ZBTB38: variants seen among roughly 807,000 people sequenced by gnomAD.
ZBTB38 encodes zinc finger and BTB domain-containing protein 38.
ZBTB38 carries 20 observed loss-of-function variants against 76.8 expected under a neutral mutation model. That is an observed-to-expected ratio of 0.26 (90% CI 0.18 to 0.38). ZBTB38 has a LOEUF of 0.38. ZBTB38 is among the 10% of genes least tolerant of loss of function. The probability of loss-of-function intolerance (pLI) is 1.00; values close to 1 mark genes in which losing one functional copy is unlikely to be tolerated. For synonymous variants in ZBTB38, 504 were observed against 544.2 expected (o/e 0.93, Z 1.03); for missense variants, 1,082 against 1,482.3 (o/e 0.73, Z 4.43).
rs766269290 is a variant in ZBTB38, at chr3:141,443,364, T to C, written c.976T>C (p.Ser326Pro). ...VHFSREDENQ[S>P]SDVPGPPAAE... ...TTTTTCCAGGGAAGATGAAAATCAA[T>C]CTTCTGATGTTCCCGGGCCGCCAGC... Residue 326 changes from serine to proline, a missense_variant, in exon 6 of 6, where the codon TCT becomes CCT. Physicochemically the swap from Ser to Pro is moderately conservative, Grantham distance 74 (BLOSUM62 -1). Coordinates refer to ENST00000321464, the MANE Select transcript of ZBTB38 (RefSeq NM_001376113.1). The surrounding 1 kb of genome is among the most constrained non-coding windows in gnomAD (Gnocchi z 5.6). 40 of 1,614,038 alleles carry C rather than the reference T, an allele frequency of 2.5e-5. No individual in the cohort carries two copies. Among genetic ancestry groups the C allele is most frequent in the Non-Finnish European group, 3.3e-5 (39 of 1,180,040 alleles).
chr3:141,330,308 G>A (rs1415172997), intron 1 of ZBTB38, among the ~76,000 whole-genome samples: 4 of 152,200 alleles, frequency 2.6e-5, no homozygotes, highest in Non-Finnish European at 4.4e-5. Context: ...ACCATGGAAC[G>A]TCCTCTGCCT....
intron 4 of ZBTB38, among the ~76,000 whole-genome samples, chr3:141,403,521 A>G (rs995466724): frequency 6.6e-6 from 1 of 152,252 alleles, no homozygotes; most frequent in African/African-American, 2.4e-5. Flanking sequence ...TAGTAAGGGT[A>G]AGCATTGTTT....
chr3:141,340,876 G>A (rs1481559698), intron 1 of ZBTB38, among the ~76,000 whole-genome samples: 3 of 147,660 alleles, frequency 2.0e-5, no homozygotes, highest in Non-Finnish European at 3.0e-5. Context: ...CAGCCTGGGC[G>A]ACAGAGCAAG....
chr3:141,344,514 A>T (rs1338430347), intron 1 of ZBTB38, among the ~76,000 whole-genome samples: 1 of 152,194 alleles, frequency 6.6e-6, no homozygotes, highest in East Asian at 1.9e-4. Context: ...GACCACAGGC[A>T]CATGCCACCA....
At chr3:141,371,045 C>T (rs201317279) in intron 2 of ZBTB38, among the ~76,000 whole-genome samples, 111 of 71,930 alleles carry the variant, frequency 1.5e-3, no homozygotes, top group African/African-American at 4.8e-3. Context: ...TTCTTTCTTT[C>T]TTTTTTTTTT....
intron 5 of ZBTB38, among the ~76,000 whole-genome samples, chr3:141,422,111 ACT>A (rs2075514841): frequency 6.6e-6 from 1 of 152,118 alleles, no homozygotes; most frequent in South Asian, 2.1e-4. Context: ...CACTTTTATG[ACT>A]CTAGCCTCCT....
intron 1 of ZBTB38, among the ~76,000 whole-genome samples, chr3:141,342,719 C>T (rs1943234325): frequency 6.8e-6 from 1 of 146,990 alleles, no homozygotes; most frequent in Admixed American, 6.8e-5. Context: ...AATAAGGTCC[C>T]ATGATCTTTT....
chr3:141,370,144 T>C (rs1944326508), intron 2 of ZBTB38, among the ~76,000 whole-genome samples, 198 bp downstream of exon 2: 1 of 152,208 alleles, frequency 6.6e-6, no homozygotes, highest in Non-Finnish European at 1.5e-5. Flanking sequence ...TCAAACACAA[T>C]AGTTTATTTC....
intron 2 of ZBTB38, among the ~76,000 whole-genome samples, chr3:141,371,485 A>G (rs545480052): frequency 6.6e-6 from 1 of 152,168 alleles, no homozygotes; most frequent in East Asian, 1.9e-4. Flanking sequence ...GACTACAGGC[A>G]TGTGTCACCA....
At position 141,448,368 on chromosome 3, in the gene ZBTB38, A is replaced by G. The variant is rs186925768; in HGVS notation, c.*2392A>G. The G allele has an allele frequency of 6.5e-6, 1 of 152,786 alleles. No homozygotes were observed. The highest frequency in any genetic ancestry group is 1.9e-4 in the East Asian group (1 of 5,194). The allele number at this position is 152,786 out of a possible 1,614,324, so 9.5% of individuals were successfully genotyped here. ...GGGAGGGGTGTATATTTTGATAAAAAAATACTTGACTTTGTAATTCTGTAT... is the reference window on the plus strand; with the variant it reads ...GGGAGGGGTGTATATTTTGATAAAAGAATACTTGACTTTGTAATTCTGTAT... On this transcript the variant is annotated 3_prime_UTR_variant, in exon 6 of 6. Coordinates refer to ENST00000321464, the MANE Select transcript of ZBTB38 (RefSeq NM_001376113.1).
At chr3:141,348,418 A>C (rs964735713) in intron 1 of ZBTB38, among the ~76,000 whole-genome samples, 2 of 152,212 alleles carry the variant, frequency 1.3e-5, no homozygotes, top group African/African-American at 4.8e-5. Flanking sequence ...TAGCTTTGGA[A>C]CTTGGAAGTA....
intron 1 of ZBTB38, among the ~76,000 whole-genome samples, chr3:141,340,933 A>AAAAGAAAAGAAAAGAAAAGAAAAG (rs1184301259): frequency 3.8e-5 from 3 of 79,460 alleles, no homozygotes; most frequent in African/African-American, 8.7e-5. Context: ...AGGAAAAAAG[A>AAAAGAAAAGAAAAGAAAAGAAAAG]AAAGAAAAGA....
intron 1 of ZBTB38, among the ~76,000 whole-genome samples, chr3:141,340,765 C>T (rs1302945229): frequency 1.3e-5 from 2 of 151,516 alleles, no homozygotes; most frequent in African/African-American, 2.4e-5. Context: ...GGTGTGGTGG[C>T]GGGCACCTGT....
intron 5 of ZBTB38, among the ~76,000 whole-genome samples, chr3:141,419,703 T>C (rs115126368): frequency 0.023 from 3,564 of 152,228 alleles, 65 homozygotes; most frequent in East Asian, 0.058. Context: ...AAGAGATTTG[T>C]AGGCCAGGCA....
chr3:141,360,269 G>T (rs1287608943), intron 1 of ZBTB38, among the ~76,000 whole-genome samples: 2 of 152,160 alleles, frequency 1.3e-5, no homozygotes, highest in African/African-American at 4.8e-5. Context: ...CTTATAATCT[G>T]TGCTGTTGAC....
intron 1 of ZBTB38, among the ~76,000 whole-genome samples, chr3:141,339,841 G>C (rs576473069): frequency 2.6e-5 from 4 of 152,330 alleles, no homozygotes; most frequent in Non-Finnish European, 5.9e-5. Flanking sequence ...CAAGAAAAGA[G>C]TCCGGGCTAG....
intron 1 of ZBTB38, among the ~76,000 whole-genome samples, chr3:141,328,171 T>G (rs945995223): frequency 6.6e-6 from 1 of 152,190 alleles, no homozygotes; most frequent in Non-Finnish European, 1.5e-5. Context: ...CTTCTCCCAG[T>G]CTCCTTCATG....
intron 5 of ZBTB38, among the ~76,000 whole-genome samples, chr3:141,414,021 A>T (rs1472402937): frequency 6.6e-6 from 1 of 152,246 alleles, no homozygotes; most frequent in Non-Finnish European, 1.5e-5. Flanking sequence ...ACATCTCATC[A>T]TTTAAATTTT....
chr3:141,390,872 G>A (rs1446600379), intron 4 of ZBTB38, among the ~76,000 whole-genome samples: 2 of 152,262 alleles, frequency 1.3e-5, no homozygotes, highest in East Asian at 3.9e-4. Flanking sequence ...AAATGAAAGT[G>A]GGCCAGGCAC....
Sources: gnomAD v4.1 joint callset for allele counts (sites outside exome capture counted in the v4.1 genomes callset) on GRCh38, gnomAD v4.1.1 for gene constraint, Gnocchi (gnomAD v3.1) non-coding constraint, MANE v1.5 for transcripts, NCBI Gene and HGNC (gene_info 2026-07-23, HGNC 2026-07-21) for gene names.